Variants in FBXO6 observed in about 807,000 individuals in gnomAD.
The protein encoded by FBXO6 is F-box protein 6, also known as F-box only protein 6.
Under a neutral mutation model 25.0 loss-of-function variants are expected in FBXO6, and 13 were observed. The observed-to-expected ratio is 0.52, with a 90% confidence interval of 0.34 to 0.83. The LOEUF (loss-of-function observed/expected upper bound fraction) is 0.83, where lower values mean the gene tolerates loss of function less well. Ranked by LOEUF, FBXO6 falls within the 40% of genes least tolerant of loss-of-function variation. The pLI, the probability that FBXO6 is intolerant of heterozygous loss-of-function variation, is 0.02. For missense variants in FBXO6, 370 were observed against 380.2 expected (o/e 0.97, Z 0.22); for synonymous variants, 138 against 155.3 (o/e 0.89, Z 0.83).
intron 2 of FBXO6, among the ~76,000 whole-genome samples, chr1:11,670,819 T>G (rs1436811197): frequency 6.6e-6 from 1 of 152,114 alleles, no homozygotes; most frequent in Non-Finnish European, 1.5e-5. Context: ...GAACTGATAC[T>G]TGGGTATTTC....
chr1:11,669,083 C>G (rs1400956161), intron 2 of FBXO6, 139 bp downstream of exon 2: 8 of 1,192,468 alleles, frequency 6.7e-6, no homozygotes, highest in South Asian at 3.1e-5. Flanking sequence ...CCTTCTCATT[C>G]TTCAGGTCTC....
At chr1:11,672,356 G>A (rs937369661) in intron 4 of FBXO6, among the ~76,000 whole-genome samples, 1 of 151,886 alleles carries the variant, frequency 6.6e-6, no homozygotes, top group South Asian at 2.1e-4. Flanking sequence ...GCGTGATCTT[G>A]GCTCACTGCA....
intron 1 of FBXO6, among the ~76,000 whole-genome samples, chr1:11,665,814 C>T (rs1640418035): frequency 1.3e-5 from 2 of 151,892 alleles, no homozygotes; most frequent in African/African-American, 2.4e-5. Flanking sequence ...CCGCCTCGGC[C>T]TACCGAAGTG....
chr1:11,668,967 G>A (rs1640528754), intron 2 of FBXO6, 23 bp downstream of exon 2: 1 of 1,608,662 alleles, frequency 6.2e-7, no homozygotes, highest in South Asian at 1.1e-5. Context: ...CAGGGTGGAG[G>A]CTGCCACCAG....
rs570750705 is a variant in FBXO6, at chr1:11,665,810, C to T, written c.-4+1555C>T. On this transcript the variant is annotated intron_variant, in intron 1 of 5. Transcript: ENST00000376753. ...TCCTGATCTTGTGATCCGCCCGCCT[C>T]GGCCTACCGAAGTGCTGGGAATACA... Among the ~76,000 whole-genome samples, 10 of 152,004 alleles carry T rather than the reference C, an allele frequency of 6.6e-5. No individual in the cohort carries two copies. In the South Asian group the frequency reaches 1.7e-3, roughly 25 times the overall value.
chr1:11,671,311 G>A lies in FBXO6; in HGVS notation c.332G>A (p.Trp111Ter). ...WQIDFNGGDRWKVESLPGAHG... is the reference protein window; with the variant it reads ...WQIDFNGGDR ...ATTGATTTCAATGGTGGGGACCGCT[G>A]GAAGGTGGAGAGCCTCCCTGGAGCC... The change falls in exon 3 of 6, where the codon TGG becomes TAG. Residue 111 changes from tryptophan (W) to a stop codon, truncating the protein, a stop_gained. Coordinates refer to ENST00000376753, the MANE Select transcript of FBXO6 (RefSeq NM_018438.6). LOFTEE classifies it high-confidence loss of function. 6.2e-7 allele frequency: 1 copy of A among 1,614,130 alleles called. No individual in the cohort carries two copies. The highest frequency in any genetic ancestry group is 1.1e-5 in the South Asian group (1 of 91,088).
In FBXO6 at chr1:11,674,058, A is replaced by C; in HGVS notation, c.*207A>C. On this transcript the variant is annotated 3_prime_UTR_variant, in exon 6 of 6. Coordinates refer to ENST00000376753, the MANE Select transcript of FBXO6 (RefSeq NM_018438.6). The surrounding 1 kb of genome is among the most constrained non-coding windows in gnomAD (Gnocchi z 6.1). ...TGTGGCTCACGCCTGTAATCCCAGC[A>C]CTTTGGGAGACCGAGGCAGGTGGAT... The C allele has an allele frequency of 3.7e-6, 2 of 542,644 alleles. No homozygotes were observed. Among genetic ancestry groups the C allele is most frequent in the Non-Finnish European group, 6.7e-6 (2 of 300,286 alleles). The allele number at this position is 542,644 out of a possible 1,614,324, so 33.6% of individuals were successfully genotyped here.
intron 4 of FBXO6, among the ~76,000 whole-genome samples, chr1:11,672,882 G>A (rs1187149444): frequency 1.3e-5 from 2 of 152,238 alleles, no homozygotes; most frequent in Admixed American, 1.3e-4. Flanking sequence ...GGGCTGAGCA[G>A]AGGGTGAGCT....
intron 2 of FBXO6, among the ~76,000 whole-genome samples, chr1:11,670,840 A>G (rs915533280): frequency 3.3e-5 from 5 of 152,198 alleles, no homozygotes; most frequent in African/African-American, 1.2e-4. Flanking sequence ...CCAGAGTTCC[A>G]CCGCAACATG....
At chr1:11,665,183 T>A (rs548585541) in intron 1 of FBXO6, among the ~76,000 whole-genome samples, 5 of 146,882 alleles carry the variant, frequency 3.4e-5, no homozygotes, top group Non-Finnish European at 6.0e-5. Context: ...TAGCTGGGAC[T>A]ACAGGCACGG....
At chr1:11,665,215 CTTTTTT>C (rs541103021) in intron 1 of FBXO6, among the ~76,000 whole-genome samples, 71 of 61,580 alleles carry the variant, frequency 1.2e-3, no homozygotes, top group Middle Eastern at 0.023. Context: ...TAGCTAATTT[CTTTTTT>C]TTTTTTTTTT....
chr1:11,669,964 A>G (rs1417816064), intron 2 of FBXO6, among the ~76,000 whole-genome samples: 13 of 143,346 alleles, frequency 9.1e-5, no homozygotes, highest in Admixed American at 3.4e-4. Context: ...TGTAATCCCA[A>G]CACTTTGGGA....
chr1:11,666,291 T>C (rs2100685010), intron 1 of FBXO6, among the ~76,000 whole-genome samples: 2 of 151,926 alleles, frequency 1.3e-5, no homozygotes, highest in South Asian at 2.1e-4. Context: ...GCTAGGACCA[T>C]AGGCACTCGC....
rs12739032 is a variant in FBXO6, at chr1:11,669,688, G to A, written c.286+744G>A. On this transcript the variant is annotated intron_variant, in intron 2 of 5. Coordinates refer to ENST00000376753, the MANE Select transcript of FBXO6 (RefSeq NM_018438.6). ...CATGTATATATGTACACATATATAC[G>A]TATATATACATATGTATACATATAT... Among the ~76,000 whole-genome samples the A allele has an allele frequency of 2.4e-4, 26 of 106,338 alleles. 1 individual carries two copies. Among genetic ancestry groups the A allele is most frequent in the African/African-American group, 4.5e-4 (10 of 22,452 alleles). The allele number at this position is 106,338 out of a possible 152,430, so 69.8% of individuals were successfully genotyped here.
At chr1:11,672,960 T>C (rs1270444748) in intron 4 of FBXO6, among the ~76,000 whole-genome samples, 2 of 152,224 alleles carry the variant, frequency 1.3e-5, no homozygotes, top group African/African-American at 4.8e-5. Context: ...TGGTCCATTG[T>C]AAGTACAGGT....
intron 2 of FBXO6, among the ~76,000 whole-genome samples, chr1:11,670,668 G>C (rs1314155261): frequency 6.6e-6 from 1 of 150,680 alleles, no homozygotes; most frequent in Non-Finnish European, 1.5e-5. Flanking sequence ...TGTTCCCCAG[G>C]CTGGTCTTGA....
At position 11,671,929 on chromosome 1, in the gene FBXO6, ATG is replaced by A; in HGVS notation, c.418_419del (p.Cys140ProfsTer28). On this transcript the variant is annotated frameshift_variant and splice_region_variant, in exon 4 of 6. Coordinates refer to ENST00000376753, the MANE Select transcript of FBXO6 (RefSeq NM_018438.6). LOFTEE classifies it high-confidence loss of function. ...CAAGCCCCCAACTCTGCTCCCCAGA[ATG>A]TGCCTCAAGTCCCAGCTGGTGGACC... ...VKKYFVTSYEMCLKSQLVDLV... is the reference protein window; with the variant it reads ...VKKYFVTSYEXCLKSQLVDLV... The A allele has an allele frequency of 6.2e-7, 1 of 1,614,000 alleles. No homozygotes were observed. The highest frequency in any genetic ancestry group is 8.5e-7 in the Non-Finnish European group (1 of 1,179,854).
rs541103021 is a variant in FBXO6, at chr1:11,665,215, CTTTTTTTTTT to C, written c.-4+978_-4+987del. ...ACGGGCCACCAGGCCTAGCTAATTT[CTTTTTTTTTT>C]TTTTTTTTTTTTTTTTTGAGACGGA... On this transcript the variant is annotated intron_variant, in intron 1 of 5. Transcript: ENST00000376753. Among the ~76,000 whole-genome samples, 410 of 61,588 alleles carry C rather than the reference CTTTTTTTTTT, an allele frequency of 6.7e-3. 4 individuals are homozygous for C. Among genetic ancestry groups the C allele is most frequent in the African/African-American group, 0.027 (381 of 14,038 alleles). The allele number at this position is 61,588 out of a possible 152,430, so 40.4% of individuals were successfully genotyped here. A position where few individuals can be genotyped will look rare whatever the true frequency, so the allele number is the denominator to read the frequency against.
chr1:11,668,968 C>T (rs1640528812), intron 2 of FBXO6, 24 bp downstream of exon 2: 1 of 1,608,586 alleles, frequency 6.2e-7, no homozygotes, highest in East Asian at 2.2e-5. Flanking sequence ...AGGGTGGAGG[C>T]TGCCACCAGG....
Sources: allele counts gnomAD v4.1 joint callset (sites outside exome capture counted in the v4.1 genomes callset), GRCh38; gene constraint gnomAD v4.1.1; non-coding constraint Gnocchi (gnomAD v3.1); transcripts MANE v1.5; gene names NCBI Gene and HGNC (gene_info 2026-07-23, HGNC 2026-07-21).